The following KIF2A variants were observed in gnomAD, a reference collection of about 807,000 sequenced individuals.
KIF2A encodes kinesin family member 2A.
KIF2A carries 22 observed loss-of-function variants against 100.2 expected under a neutral mutation model. The ratio of observed to expected loss-of-function variants is 0.22; its 90% CI spans 0.16 to 0.31. The LOEUF is 0.31. Ranked by LOEUF, KIF2A falls within the 10% of genes least tolerant of loss-of-function variation. KIF2A has a pLI of 1.00. For synonymous variants in KIF2A, 268 were observed against 285.9 expected (o/e 0.94, Z 0.63); for missense variants, 495 against 898.7 (o/e 0.55, Z 5.74).
intron 18 of KIF2A, among the ~76,000 whole-genome samples, chr5:62,374,543 AT>A (rs1219404412): frequency 1.3e-5 from 2 of 152,078 alleles, no homozygotes; most frequent in Non-Finnish European, 2.9e-5. Context: ...TAAACCATTC[AT>A]TTTTTTCCCT....
intron 1 of KIF2A, among the ~76,000 whole-genome samples, chr5:62,318,842 C>G (rs117877039): frequency 1.3e-5 from 2 of 152,164 alleles, no homozygotes; most frequent in Admixed American, 1.3e-4. Flanking sequence ...TACTGCATAT[C>G]TCCATTTGGA....
At chr5:62,309,187 G>A (rs975072034) in intron 1 of KIF2A, among the ~76,000 whole-genome samples, 7 of 152,114 alleles carry the variant, frequency 4.6e-5, no homozygotes, top group Admixed American at 2.6e-4. Context: ...AGCAATTTTC[G>A]TTCTTTTCAG....
intron 1 of KIF2A, among the ~76,000 whole-genome samples, chr5:62,311,259 C>T (rs774482240): frequency 5.3e-5 from 8 of 152,056 alleles, no homozygotes; most frequent in Non-Finnish European, 1.0e-4. Context: ...ATTTTGGAAC[C>T]GTATACCGCT....
chr5:62,323,471 T>G (rs1285074638), intron 1 of KIF2A, among the ~76,000 whole-genome samples: 1 of 144,388 alleles, frequency 6.9e-6, no homozygotes, highest in Non-Finnish European at 1.5e-5. Context: ...TGCAATGAGC[T>G]GAGATCACAC....
chr5:62,327,253 C>A (rs776996683), intron 1 of KIF2A, among the ~76,000 whole-genome samples: 13 of 152,144 alleles, frequency 8.5e-5, no homozygotes, highest in Non-Finnish European at 1.3e-4. Context: ...AAAATACTGT[C>A]TGTATTGGTG....
intron 11 of KIF2A, 60 bp from the exon 12 acceptor site, chr5:62,362,390 G>T: frequency 1.4e-6 from 1 of 732,092 alleles, no homozygotes; most frequent in Non-Finnish European, 2.1e-6. Flanking sequence ...TAGAAAATTT[G>T]AGTTGCTTTT....
chr5:62,389,286 G>A lies in KIF2A; in HGVS notation c.*3717G>A, dbSNP rs761852834. 3.9e-5 allele frequency among the ~76,000 whole-genome samples: 6 copies of A among 151,996 alleles called. No individual in the cohort carries two copies. The highest frequency in any genetic ancestry group is 5.9e-5 in the Non-Finnish European group (4 of 68,002). ...GGATTACCTGAGGTCAGTAGTTCGA[G>A]AACAGTCTGGCCAACATGGTGAAAC... On this transcript the variant is annotated 3_prime_UTR_variant, in exon 21 of 21. Transcript: ENST00000407818.
chr5:62,323,164 G>A (rs546198862), intron 1 of KIF2A, among the ~76,000 whole-genome samples: 53 of 151,122 alleles, frequency 3.5e-4, no homozygotes, highest in Admixed American at 5.9e-4. Flanking sequence ...GCTGAGGCAG[G>A]ATAATCGCTT....
intron 1 of KIF2A, among the ~76,000 whole-genome samples, chr5:62,318,699 G>A (rs1454679454): frequency 6.6e-6 from 1 of 151,768 alleles, no homozygotes; most frequent in African/African-American, 2.4e-5. Context: ...TTCTCTTTAA[G>A]TATTGATGTT....
intron 1 of KIF2A, among the ~76,000 whole-genome samples, chr5:62,314,758 G>GTT (rs34987605): frequency 0.045 from 4,576 of 100,792 alleles, 330 homozygotes; most frequent in African/African-American, 0.12. Context: ...AGAATGAACT[G>GTT]TTTTTTTTTT....
At chr5:62,357,407 C>T (rs918844141) in intron 7 of KIF2A, among the ~76,000 whole-genome samples, 1 of 152,118 alleles carries the variant, frequency 6.6e-6, no homozygotes, top group Non-Finnish European at 1.5e-5. Context: ...TTAATGTGAA[C>T]TTAATGCTAC....
intron 19 of KIF2A, among the ~76,000 whole-genome samples, chr5:62,379,782 C>T (rs913487684): frequency 1.1e-4 from 17 of 152,200 alleles, no homozygotes; most frequent in African/African-American, 3.9e-4. Context: ...TATAATTAGT[C>T]ATTAAAGTCA....
Position 62,347,157 on chromosome 5 carries a change from C to A in KIF2A, c.92C>A (p.Ser31Tyr). The A allele has an allele frequency of 6.2e-7, 1 of 1,603,834 alleles. No individual in the cohort carries two copies. The highest frequency in any genetic ancestry group is 8.5e-7 in the Non-Finnish European group (1 of 1,173,652). ...CGAATACATCAAGCAATGGTAACAT[C>A]TTTAAATGAAGATAATGAAAGTGTA... is the stretch of plus-strand genomic sequence containing the variant. ...DGRIHQAMVT[S>Y]LNEDNESVTV... is the part of the protein sequence containing the mutation. Residue 31 changes from serine to tyrosine, a missense_variant, in exon 2 of 21, where the codon TCT becomes TAT. Around this residue, in one of 10 missense-constraint regions of KIF2A, gnomAD observed 115 missense variants for 143.6 expected, o/e 0.80. Transcript: ENST00000407818.
At chr5:62,357,035 C>T (rs1423650422) in intron 7 of KIF2A, among the ~76,000 whole-genome samples, 1 of 151,604 alleles carries the variant, frequency 6.6e-6, no homozygotes, top group Admixed American at 6.6e-5. Context: ...ATCCACCCAC[C>T]TTAGCCTCCC....
intron 18 of KIF2A, among the ~76,000 whole-genome samples, chr5:62,375,853 C>T (rs1325292821): frequency 6.6e-6 from 1 of 152,152 alleles, no homozygotes; most frequent in African/African-American, 2.4e-5. Context: ...ACAGGAGTGT[C>T]CCCCTCACCT....
At position 62,347,530 on chromosome 5, in the gene KIF2A, C is replaced by G. The variant is rs78042189; in HGVS notation, c.159+306C>G. Among the ~76,000 whole-genome samples the G allele has an allele frequency of 8.3e-3, 1,262 of 152,216 alleles. 8 individuals carry two copies. The highest frequency in any genetic ancestry group is 0.014 in the Non-Finnish European group (980 of 68,022). On this transcript the variant is annotated intron_variant, in intron 2 of 20. Coordinates refer to ENST00000407818, the MANE Select transcript of KIF2A (RefSeq NM_001098511.3). Reference sequence around the variant, plus strand: ...ATTGGTCACTGTGTTGTTAGCAATTCATAGAGTCAAGACTATAAAATGATA... The same window carrying G: ...ATTGGTCACTGTGTTGTTAGCAATTGATAGAGTCAAGACTATAAAATGATA...
chr5:62,368,365 G>A (rs990037774), intron 16 of KIF2A, among the ~76,000 whole-genome samples: 4 of 151,576 alleles, frequency 2.6e-5, no homozygotes, highest in Admixed American at 6.6e-5. Context: ...ATAACCCCCC[G>A]GGTTTTTTTT....
chr5:62,338,672 C>CA (rs980508606), intron 1 of KIF2A, among the ~76,000 whole-genome samples: 3 of 150,866 alleles, frequency 2.0e-5, no homozygotes, highest in African/African-American at 7.3e-5. Context: ...CAAAAAACAA[C>CA]AAAAAAAATC....
intron 9 of KIF2A, among the ~76,000 whole-genome samples, 180 bp downstream of exon 9, chr5:62,358,479 G>A (rs1047638483): frequency 6.6e-6 from 1 of 152,042 alleles, no homozygotes; most frequent in Non-Finnish European, 1.5e-5. Flanking sequence ...TCTCTGTAAT[G>A]CTCCCCAAAA....
Sources: allele counts gnomAD v4.1 joint callset (sites outside exome capture counted in the v4.1 genomes callset), GRCh38; gene constraint gnomAD v4.1.1; regional missense constraint gnomAD v4.1.1; transcripts MANE v1.5; gene names NCBI Gene and HGNC (gene_info 2026-07-23, HGNC 2026-07-21).